PRKG1: variants seen among roughly 807,000 people sequenced by gnomAD.
PRKG1 encodes the protein protein kinase cGMP-dependent 1, also known as cGMP-dependent protein kinase 1.
PRKG1 carries 35 observed loss-of-function variants against 88.1 expected under a neutral mutation model. The observed-to-expected ratio is 0.40, with a 90% CI of 0.30 to 0.53. The LOEUF (loss-of-function observed/expected upper bound fraction) is 0.53. PRKG1 is among the 20% of genes least tolerant of loss of function. The probability of loss-of-function intolerance (pLI) is 0.59; values close to 1 mark genes in which losing one functional copy is unlikely to be tolerated. For synonymous variants in PRKG1, 303 were observed against 292.5 expected, an observed-to-expected ratio of 1.04 and a Z score of -0.37; for missense variants, 540 against 839.8, an observed-to-expected ratio of 0.64 and a Z score of 4.41.
chr10:51,394,082 A>G (rs1423249327), intron 2 of PRKG1, among the ~76,000 whole-genome samples: 1 of 152,222 alleles, frequency 6.6e-6, no homozygotes, highest in East Asian at 1.9e-4. Flanking sequence ...AGGGGCTGAG[A>G]GCAGGTCTTC....
At chr10:51,702,068 G>A (rs970159956) in intron 3 of PRKG1, among the ~76,000 whole-genome samples, 1 of 152,120 alleles carries the variant, frequency 6.6e-6, no homozygotes, top group African/African-American at 2.4e-5. Context: ...TTGAGGTAAA[G>A]GTTTTTAAAA....
chr10:51,763,607 A>AC, intron 3 of PRKG1, among the ~76,000 whole-genome samples: 1 of 150,278 alleles, frequency 6.7e-6, no homozygotes, highest in Non-Finnish European at 1.5e-5. Context: ...CAAATGCAAA[A>AC]AAAAAAAAAA....
chr10:52,172,407 G>A (rs952864957), intron 9 of PRKG1, among the ~76,000 whole-genome samples: 1 of 152,034 alleles, frequency 6.6e-6, no homozygotes, highest in East Asian at 1.9e-4. Flanking sequence ...CTTTCAAAAC[G>A]TCAGGAGCTC....
At chr10:51,143,086 TTAAACTGTAATTATG>T (rs1299543776) in intron 1 of PRKG1, among the ~76,000 whole-genome samples, 3 of 152,170 alleles carry the variant, frequency 2.0e-5, no homozygotes, top group African/African-American at 7.2e-5. Flanking sequence ...ATTCTCCCTA[TTAAACTGTAATTATG>T]TAAACTGTGA....
chr10:51,949,795 C>G (rs1564723973), intron 5 of PRKG1, among the ~76,000 whole-genome samples: 1 of 152,164 alleles, frequency 6.6e-6, no homozygotes. Context: ...TGAATAGCCT[C>G]ATTTTACTCT....
chr10:51,264,036 T>G (rs1368794660), intron 2 of PRKG1, among the ~76,000 whole-genome samples: 2 of 152,256 alleles, frequency 1.3e-5, no homozygotes, highest in South Asian at 4.1e-4. Context: ...TCCAGAAAGC[T>G]TAAACTGATT....
At chr10:52,022,567 C>G (rs1410284953) in intron 5 of PRKG1, among the ~76,000 whole-genome samples, 1 of 151,930 alleles carries the variant, frequency 6.6e-6, no homozygotes, top group East Asian at 1.9e-4. Flanking sequence ...TTCAAGTGTT[C>G]TGGCTATGGT....
chr10:52,062,935 C>T, intron 7 of PRKG1: 1 of 632,038 alleles, frequency 1.6e-6, no homozygotes, highest in Non-Finnish European at 2.9e-6. Context: ...CCCTGCTAAA[C>T]TTTGTGCAAT....
intron 3 of PRKG1, among the ~76,000 whole-genome samples, chr10:51,644,224 G>A (rs1839865439): frequency 6.6e-6 from 1 of 152,242 alleles, no homozygotes; most frequent in East Asian, 1.9e-4. Flanking sequence ...GTTTCTGTAA[G>A]TCGGAAGTTG....
intron 9 of PRKG1, among the ~76,000 whole-genome samples, chr10:52,192,307 G>A (rs1839386707): frequency 6.6e-6 from 1 of 152,074 alleles, no homozygotes; most frequent in South Asian, 2.1e-4. Flanking sequence ...CATTTCTCAA[G>A]TAACCCTTAT....
At chr10:51,627,879 CCCTTCCCTTCCTTCCCTT>C (rs1418373521) in intron 3 of PRKG1, among the ~76,000 whole-genome samples, 3 of 72,004 alleles carry the variant, frequency 4.2e-5, no homozygotes, top group African/African-American at 7.5e-5. Flanking sequence ...TCCTTCCCTT[CCCTTCCCTTCCTTCCCTT>C]CCTTCCCTTC....
chr10:51,786,417 C>G (rs981200311), intron 3 of PRKG1, among the ~76,000 whole-genome samples: 2 of 152,032 alleles, frequency 1.3e-5, no homozygotes, highest in Admixed American at 1.3e-4. Flanking sequence ...TAAGGTTTTG[C>G]TAGCTTTGTT....
At chr10:51,342,060 C>A (rs898772332) in intron 2 of PRKG1, among the ~76,000 whole-genome samples, 1 of 152,266 alleles carries the variant, frequency 6.6e-6, no homozygotes, top group Middle Eastern at 3.4e-3. Context: ...ATATCAGTAA[C>A]CGATATTAGA....
intron 3 of PRKG1, among the ~76,000 whole-genome samples, chr10:51,746,302 TAA>T (rs35746229): frequency 7.0e-6 from 1 of 142,562 alleles, no homozygotes; most frequent in Admixed American, 7.0e-5. Context: ...AGTTTACATT[TAA>T]AAAAAAAAAA....
At chr10:51,011,017 T>A (rs1055896138) in intron 1 of PRKG1, among the ~76,000 whole-genome samples, 1 of 152,170 alleles carries the variant, frequency 6.6e-6, no homozygotes, top group African/African-American at 2.4e-5. Flanking sequence ...TGAAGGATAA[T>A]TATTCAAATT....
At chr10:51,465,500 G>A (rs1839881040) in intron 2 of PRKG1, among the ~76,000 whole-genome samples, 1 of 152,148 alleles carries the variant, frequency 6.6e-6, no homozygotes, top group African/African-American at 2.4e-5. Context: ...TTGCAAAATT[G>A]TTACATATTA....
intron 3 of PRKG1, among the ~76,000 whole-genome samples, chr10:51,600,774 A>G (rs954778708): frequency 6.6e-6 from 1 of 152,184 alleles, no homozygotes; most frequent in Non-Finnish European, 1.5e-5. Context: ...AGTGGCTACC[A>G]TATTAGACAT....
intron 2 of PRKG1, among the ~76,000 whole-genome samples, chr10:51,369,116 A>C (rs1195418165): frequency 1.3e-5 from 2 of 152,138 alleles, no homozygotes; most frequent in Non-Finnish European, 2.9e-5. Context: ...GCCGTAATGC[A>C]CAATAAATGC....
chr10:51,968,340 T>C (rs1843622371), intron 5 of PRKG1, among the ~76,000 whole-genome samples: 1 of 152,106 alleles, frequency 6.6e-6, no homozygotes, highest in African/African-American at 2.4e-5. Flanking sequence ...CCAGGCTATG[T>C]AGGCACAGCA....
Sources: gnomAD v4.1 joint callset for allele counts (sites outside exome capture counted in the v4.1 genomes callset) on GRCh38, gnomAD v4.1.1 for gene constraint, MANE v1.5 for transcripts, NCBI Gene and HGNC (gene_info 2026-07-23, HGNC 2026-07-21) for gene names.